Variants in RGS7 observed in about 807,000 individuals in gnomAD.
RGS7 encodes regulator of G protein signaling 7.
RGS7 carries 27 observed loss-of-function variants against 81.1 expected under a neutral mutation model. The ratio of observed to expected loss-of-function variants is 0.33; its 90% CI spans 0.25 to 0.46. The LOEUF is 0.46. Among genes scored for constraint, RGS7 ranks in the 20% least tolerant of loss-of-function variants. The pLI is 1.00. For missense variants in RGS7, 396 were observed against 607.4 expected (o/e 0.65, Z 3.66); for synonymous variants, 208 against 207.7 (o/e 1.00, Z -0.01).
chr1:241,022,608 A>G (rs1016927430), intron 3 of RGS7, among the ~76,000 whole-genome samples: 2 of 152,250 alleles, frequency 1.3e-5, no homozygotes, highest in Admixed American at 6.5e-5. Flanking sequence ...TTGACTCCCT[A>G]TGATCTCATC....
chr1:241,212,926 T>G (rs1289553648), intron 2 of RGS7, among the ~76,000 whole-genome samples: 2 of 152,344 alleles, frequency 1.3e-5, no homozygotes, highest in East Asian at 3.9e-4. Context: ...TCAAAGTCCC[T>G]GAAATCAGTC....
At chr1:240,871,356 C>T (rs1433392323) in intron 6 of RGS7, among the ~76,000 whole-genome samples, 2 of 152,162 alleles carry the variant, frequency 1.3e-5, no homozygotes, top group East Asian at 1.9e-4. Context: ...CGACGTCCAG[C>T]TGGTATCACT....
chr1:241,211,390 A>G (rs2074234257), intron 2 of RGS7, among the ~76,000 whole-genome samples: 1 of 152,200 alleles, frequency 6.6e-6, no homozygotes, highest in Admixed American at 6.5e-5. Flanking sequence ...TATTTCTGAA[A>G]CAGCAACTTC....
chr1:240,931,982 A>G (rs1296365306), intron 5 of RGS7, among the ~76,000 whole-genome samples: 2 of 152,188 alleles, frequency 1.3e-5, no homozygotes, highest in Non-Finnish European at 2.9e-5. Flanking sequence ...GTGATGGCAA[A>G]TATCAGTACT....
chr1:240,811,151 G>A (rs1383816373), intron 14 of RGS7, among the ~76,000 whole-genome samples: 2 of 152,112 alleles, frequency 1.3e-5, no homozygotes, highest in African/African-American at 2.4e-5. Flanking sequence ...CATAAGTCAT[G>A]GAAAAGTAAA....
chr1:240,870,417 G>A (rs1664271495), intron 6 of RGS7, among the ~76,000 whole-genome samples: 1 of 151,952 alleles, frequency 6.6e-6, no homozygotes, highest in African/African-American at 2.4e-5. Flanking sequence ...CTTGTTCACT[G>A]CAGCCACACA....
chr1:240,920,529 C>G, intron 6 of RGS7: 1 of 845,896 alleles, frequency 1.2e-6, no homozygotes. Flanking sequence ...TGATGGAGGC[C>G]AATACTTTGT....
At chr1:240,949,440 C>G (rs576574064) in intron 4 of RGS7, among the ~76,000 whole-genome samples, 41 of 152,242 alleles carry the variant, frequency 2.7e-4, no homozygotes, top group Admixed American at 1.4e-3. Flanking sequence ...TATTCACTGT[C>G]TGCTTGGTTT....
Position 240,823,385 on chromosome 1 carries a change from C to T in RGS7, c.684+3713G>A, listed in dbSNP as rs1009665516. 3.9e-5 allele frequency: 17 copies of T among 440,040 alleles called. No individual in the cohort carries two copies. In the East Asian group the frequency reaches 9.3e-4, roughly 24 times the overall value. 27.3% of individuals were successfully genotyped at this position (440,040 alleles called of 1,614,324 possible). ...ATGCCCAGCGGCCTGGAGCCACGGC[C>T]GAAGCCCCGCACCACTTGGGCCCGG... On this transcript the variant is annotated intron_variant, in intron 10 of 18. Transcript: ENST00000440928.
chr1:240,778,817 C>G (rs1312247559), intron 18 of RGS7, among the ~76,000 whole-genome samples: 3 of 152,230 alleles, frequency 2.0e-5, no homozygotes, highest in Non-Finnish European at 4.4e-5. Flanking sequence ...CAGGCACAAG[C>G]CACTGCGCCC....
intron 9 of RGS7, among the ~76,000 whole-genome samples, chr1:240,827,788 C>CGA (rs1693110595): frequency 1.5e-5 from 2 of 135,548 alleles, no homozygotes; most frequent in South Asian, 4.9e-4. Context: ...CACTTGAACC[C>CGA]GGGAGGTGGA....
chr1:241,191,376 C>T (rs991991216), intron 2 of RGS7, among the ~76,000 whole-genome samples: 2 of 151,938 alleles, frequency 1.3e-5, no homozygotes, highest in African/African-American at 4.8e-5. Flanking sequence ...TCATGTGAGC[C>T]TTTTTTTCTT....
chr1:241,076,401 T>C (rs1055862636), intron 3 of RGS7, among the ~76,000 whole-genome samples: 4 of 152,224 alleles, frequency 2.6e-5, no homozygotes, highest in African/African-American at 9.6e-5. Flanking sequence ...AATTGAAAGT[T>C]TGCTCTCACA....
intron 2 of RGS7, among the ~76,000 whole-genome samples, chr1:241,270,245 T>C (rs2077803246): frequency 6.6e-6 from 1 of 152,142 alleles, no homozygotes; most frequent in Non-Finnish European, 1.5e-5. Flanking sequence ...GGCCAATTCC[T>C]ATTGAACTTC....
chr1:240,887,440 G>A lies in RGS7; in HGVS notation c.386-17321C>T, dbSNP rs370426031. On this transcript the variant is annotated intron_variant, in intron 6 of 18. Transcript: ENST00000440928. The stretch of plus-strand genomic sequence containing the variant: ...AGATGGGGTTTCACCGTGTTAGCCA[G>A]GATGGTCTCAATCTCCTGACTTCGT... Among the ~76,000 whole-genome samples the A allele has an allele frequency of 2.6e-5, 4 of 152,200 alleles. 1 individual carries two copies. The highest frequency in any genetic ancestry group is 9.6e-5 in the African/African-American group (4 of 41,536).
chr1:241,221,019 A>AG (rs1260398208), intron 2 of RGS7, among the ~76,000 whole-genome samples: 1 of 111,434 alleles, frequency 9.0e-6, no homozygotes, highest in African/African-American at 3.0e-5. Context: ...GGAAGGAAGG[A>AG]AGGAAGGAAG....
chr1:240,971,741 G>A (rs571401193), intron 4 of RGS7, among the ~76,000 whole-genome samples: 1 of 152,290 alleles, frequency 6.6e-6, no homozygotes, highest in South Asian at 2.1e-4. Context: ...TCATCAGAGT[G>A]TTAAATATAT....
In RGS7 at chr1:241,163,701, C is replaced by T. The variant is rs1041342537; in HGVS notation, c.79-64939G>A. Among the ~76,000 whole-genome samples, 3 of 152,168 alleles carry T rather than the reference C, an allele frequency of 2.0e-5. No homozygotes were observed. The highest frequency in any genetic ancestry group is 4.4e-5 in the Non-Finnish European group (3 of 68,032). On this transcript the variant is annotated intron_variant, in intron 2 of 18. Transcript: ENST00000440928. The surrounding 1 kb of genome is among the most constrained non-coding windows in gnomAD (Gnocchi z 4.6). Reference sequence around the variant, plus strand: ...TCCAAGCCCCCATTCTTTCTGCAACCTCAAGATGGTACATAAGCTTCTGAA... The same window carrying T: ...TCCAAGCCCCCATTCTTTCTGCAACTTCAAGATGGTACATAAGCTTCTGAA...
At chr1:240,937,972 G>C (rs948021846) in intron 4 of RGS7, among the ~76,000 whole-genome samples, 1 of 152,104 alleles carries the variant, frequency 6.6e-6, no homozygotes. Flanking sequence ...CCAACAAAAG[G>C]GTTAGTAAAA....
Sources: gnomAD v4.1 joint callset for allele counts (sites outside exome capture counted in the v4.1 genomes callset) on GRCh38, gnomAD v4.1.1 for gene constraint, Gnocchi (gnomAD v3.1) non-coding constraint, MANE v1.5 for transcripts, NCBI Gene and HGNC (gene_info 2026-07-23, HGNC 2026-07-21) for gene names.